NKAIN2: variants seen among roughly 807,000 people sequenced by gnomAD.
NKAIN2 encodes sodium/potassium transporting ATPase interacting 2, also known as sodium/potassium-transporting ATPase subunit beta-1-interacting protein 2.
In NKAIN2, 14 loss-of-function variants were observed where a neutral mutation model predicts 32.6. The ratio of observed to expected loss-of-function variants is 0.43; its 90% CI spans 0.28 to 0.67. The LOEUF is 0.67. Ranked by LOEUF, NKAIN2 falls within the 30% of genes least tolerant of loss-of-function variation. NKAIN2 has a pLI of 0.17. For missense variants in NKAIN2, 198 were observed against 258.3 expected (o/e 0.77, Z 1.60); for synonymous variants, 80 against 87.2 (o/e 0.92, Z 0.46).
At chr6:124,662,468 G>A (rs750349754) in intron 4 of NKAIN2, among the ~76,000 whole-genome samples, 36 of 152,038 alleles carry the variant, frequency 2.4e-4, no homozygotes, top group Admixed American at 6.5e-5. Flanking sequence ...GTTCTCCTTC[G>A]GTTATATCTA....
intron 1 of NKAIN2, among the ~76,000 whole-genome samples, chr6:124,100,403 T>C (rs1784828962): frequency 6.6e-6 from 1 of 152,256 alleles, no homozygotes; most frequent in Non-Finnish European, 1.5e-5. Context: ...GACACATGTG[T>C]AATTCCTATC....
chr6:124,582,442 G>A (rs1220661257), intron 3 of NKAIN2, among the ~76,000 whole-genome samples: 4 of 152,052 alleles, frequency 2.6e-5, no homozygotes, highest in Non-Finnish European at 5.9e-5. Flanking sequence ...GACCACTAAC[G>A]AATGACAAGA....
chr6:124,286,884 A>G (rs914343106), intron 2 of NKAIN2, among the ~76,000 whole-genome samples: 3 of 151,950 alleles, frequency 2.0e-5, no homozygotes, highest in Non-Finnish European at 4.4e-5. Context: ...AGGTTTCACC[A>G]TGTTAGCCAG....
At chr6:124,734,785 A>C (rs528959225) in intron 4 of NKAIN2, among the ~76,000 whole-genome samples, 1 of 152,042 alleles carries the variant, frequency 6.6e-6, no homozygotes, top group South Asian at 2.1e-4. Context: ...TGGATCCAAA[A>C]TGGCAGATAA....
chr6:123,842,406 A>G (rs1017312224), intron 1 of NKAIN2, among the ~76,000 whole-genome samples: 5 of 152,008 alleles, frequency 3.3e-5, no homozygotes, highest in Non-Finnish European at 5.9e-5. Context: ...TTCTTTTCTT[A>G]TAAGGACACT....
chr6:124,226,155 AT>A (rs5879722), intron 1 of NKAIN2, among the ~76,000 whole-genome samples: 3,373 of 151,994 alleles, frequency 0.022, 125 homozygotes, highest in Admixed American at 0.086. Context: ...TTTAATTTGT[AT>A]TTTTTTCCTA....
chr6:123,818,693 G>A (rs1582586187), intron 1 of NKAIN2, among the ~76,000 whole-genome samples: 1 of 152,242 alleles, frequency 6.6e-6, no homozygotes, highest in East Asian at 1.9e-4. Flanking sequence ...ACTTCTTGAA[G>A]GTCCTTTTAA....
chr6:124,341,861 A>C (rs1340073810), intron 2 of NKAIN2, among the ~76,000 whole-genome samples: 1 of 152,212 alleles, frequency 6.6e-6, no homozygotes, highest in Non-Finnish European at 1.5e-5. Context: ...CAAGATTTAC[A>C]TCGTAATGTA....
chr6:123,868,520 T>G lies in NKAIN2; in HGVS notation c.54+64266T>G, dbSNP rs558159695. ...TTAATCCATTCTTCCTGACTACCAA[T>G]AAGATATAGTCTCCAGCTGAGTTTC... On this transcript the variant is annotated intron_variant, in intron 1 of 6. Coordinates refer to ENST00000368417, the MANE Select transcript of NKAIN2 (RefSeq NM_001040214.3). Among the ~76,000 whole-genome samples, 111 of 152,304 alleles carry G rather than the reference T, an allele frequency of 7.3e-4. 1 individual carries two copies. The highest frequency in any genetic ancestry group is 1.1e-3 in the Non-Finnish European group (75 of 68,016).
At position 123,938,269 on chromosome 6, in the gene NKAIN2, T is replaced by C. The variant is rs371516544; in HGVS notation, c.54+134015T>C. Among the ~76,000 whole-genome samples the C allele has an allele frequency of 1.7e-4, 25 of 151,120 alleles. No individual in the cohort carries two copies. In the East Asian group the frequency reaches 4.5e-3, roughly 27 times the overall value. On this transcript the variant is annotated intron_variant, in intron 1 of 6. Transcript: ENST00000368417. ...CATGAAAACATACTTAAAAAGTTATTTTGACTTCTTAGAAGTTTATTTGAA... is the reference window on the plus strand; with the variant it reads ...CATGAAAACATACTTAAAAAGTTATCTTGACTTCTTAGAAGTTTATTTGAA...
intron 1 of NKAIN2, among the ~76,000 whole-genome samples, chr6:124,133,983 C>G (rs1003618693): frequency 1.3e-5 from 2 of 151,864 alleles, no homozygotes; most frequent in Admixed American, 1.3e-4. Flanking sequence ...TTCTATAACA[C>G]CCCCGAAAGA....
rs192131559 is a variant in NKAIN2, at chr6:123,971,744, A to G, written c.54+167490A>G. ...CTTCTGCTCTTAGTTAGTGAAATCTAACAAGCACCCAGACCGATAACATGT... is the reference window on the plus strand; with the variant it reads ...CTTCTGCTCTTAGTTAGTGAAATCTGACAAGCACCCAGACCGATAACATGT... On this transcript the variant is annotated intron_variant, in intron 1 of 6. Coordinates refer to ENST00000368417, the MANE Select transcript of NKAIN2 (RefSeq NM_001040214.3). 3.8e-3 allele frequency among the ~76,000 whole-genome samples: 584 copies of G among 152,338 alleles called. 1 individual carries two copies. The highest frequency in any genetic ancestry group is 0.013 in the South Asian group (62 of 4,828).
At chr6:123,875,345 A>G (rs1429253232) in intron 1 of NKAIN2, among the ~76,000 whole-genome samples, 4 of 151,860 alleles carry the variant, frequency 2.6e-5, no homozygotes, top group Non-Finnish European at 5.9e-5. Context: ...TGCCTTGTTA[A>G]TTTTTGCCAA....
chr6:124,478,020 T>C (rs1463156865), intron 3 of NKAIN2, among the ~76,000 whole-genome samples: 1 of 151,866 alleles, frequency 6.6e-6, no homozygotes, highest in African/African-American at 2.4e-5. Context: ...TGCCACACTT[T>C]TCCTTTGAAG....
chr6:124,644,231 A>G (rs1324408643), intron 3 of NKAIN2, among the ~76,000 whole-genome samples: 2 of 152,152 alleles, frequency 1.3e-5, no homozygotes, highest in Non-Finnish European at 2.9e-5. Flanking sequence ...ATGAATAAAT[A>G]AATTAACACC....
At chr6:123,896,522 T>C (rs532284330) in intron 1 of NKAIN2, among the ~76,000 whole-genome samples, 1 of 152,332 alleles carries the variant, frequency 6.6e-6, no homozygotes, top group South Asian at 2.1e-4. Flanking sequence ...GAACTAATAT[T>C]TGAGCACATG....
intron 1 of NKAIN2, among the ~76,000 whole-genome samples, chr6:124,181,265 G>T (rs1313619616): frequency 6.7e-6 from 1 of 149,820 alleles, no homozygotes; most frequent in East Asian, 2.0e-4. Context: ...AAGGCCCTGG[G>T]TGTGGCCCAG....
chr6:124,281,351 C>G (rs993277755), intron 1 of NKAIN2, among the ~76,000 whole-genome samples: 1 of 152,182 alleles, frequency 6.6e-6, no homozygotes, highest in African/African-American at 2.4e-5. Context: ...ATTCTAACTT[C>G]GCATATGTAA....
At chr6:124,077,254 A>G (rs1246631906) in intron 1 of NKAIN2, among the ~76,000 whole-genome samples, 1 of 152,188 alleles carries the variant, frequency 6.6e-6, no homozygotes, top group Non-Finnish European at 1.5e-5. Flanking sequence ...ACACATACCC[A>G]GTGGCTTTTA....
Sources: gnomAD v4.1 joint callset for allele counts (sites outside exome capture counted in the v4.1 genomes callset) on GRCh38, gnomAD v4.1.1 for gene constraint, MANE v1.5 for transcripts, NCBI Gene and HGNC (gene_info 2026-07-23, HGNC 2026-07-21) for gene names.